The following NSUN5 variants were observed in gnomAD, a reference collection of about 807,000 sequenced individuals.
NSUN5 encodes 28S rRNA (cytosine-C(5))-methyltransferase.
A neutral mutation model predicts 51.1 loss-of-function variants in NSUN5; 39 were observed. The observed-to-expected ratio is 0.76, with a 90% CI of 0.59 to 1.00. NSUN5 has a LOEUF of 1.00. NSUN5 is among the 50% of genes least tolerant of loss of function. The pLI, the probability that NSUN5 is intolerant of heterozygous loss-of-function variation, is 0.00. For synonymous variants in NSUN5, 266 were observed against 271.5 expected (o/e 0.98, Z 0.20); for missense variants, 526 against 614.0 (o/e 0.86, Z 1.51).
intron 4 of NSUN5, among the ~76,000 whole-genome samples, chr7:73,306,837 A>G (rs1804059615): frequency 6.6e-6 from 1 of 151,434 alleles, no homozygotes; most frequent in Admixed American, 6.6e-5. Context: ...ATGCCACTGC[A>G]CTCCAGCTTG....
At position 73,303,863 on chromosome 7, in the gene NSUN5, C is replaced by G; in HGVS notation, c.1108G>C (p.Val370Leu). ...GGGTTCTGCTGCAGCGCATCTCGCA[C>G]CACGTCTTCATTCTCCTCCTGGCAG... Reference protein sequence around the residue: ...SLCQEENEDVVRDALQQNPGA... With the variant: ...SLCQEENEDVLRDALQQNPGA... Residue 370 changes from valine (V) to leucine (L), a missense_variant, in exon 8 of 10, where the codon GTG (valine) becomes CTG (leucine). Val to Leu is a conservative substitution (Grantham distance 32). Transcript: ENST00000438747. The G allele has an allele frequency of 6.2e-7, 1 of 1,613,842 alleles. No individual in the cohort carries two copies. Among genetic ancestry groups the G allele is most frequent in the Non-Finnish European group, 8.5e-7 (1 of 1,179,884 alleles).
Position 73,306,105 on chromosome 7 carries a change from C to A in NSUN5, c.501-1008G>T, listed in dbSNP as rs1312389295. On this transcript the variant is annotated intron_variant, in intron 4 of 9. Transcript: ENST00000438747. ...GAGCCAAGAAAGGGCTTAGCATGGC[C>A]GGGCACGGTGACTCACACCTGTAAT... Among the ~76,000 whole-genome samples the A allele has an allele frequency of 5.3e-5, 8 of 152,072 alleles. No individual in the cohort carries two copies. The South Asian group carries it at 1.7e-3, about 32-fold the overall frequency.
At chr7:73,306,136 C>A (rs1388665878) in intron 4 of NSUN5, among the ~76,000 whole-genome samples, 3 of 152,120 alleles carry the variant, frequency 2.0e-5, no homozygotes, top group Admixed American at 6.6e-5. Flanking sequence ...GTAATCCCAG[C>A]ACTTTGGGAG....
chr7:73,306,386 A>C (rs1278891167), intron 4 of NSUN5, among the ~76,000 whole-genome samples: 4 of 27,724 alleles, frequency 1.4e-4, no homozygotes, highest in East Asian at 3.1e-3. Context: ...CCCTTGTCTC[A>C]AAAAAAAAAA....
intron 2 of NSUN5, chr7:73,308,016 C>T: frequency 2.0e-6 from 1 of 503,972 alleles, no homozygotes; most frequent in Non-Finnish European, 3.5e-6. Context: ...AACTTCTTGC[C>T]AACATTACCC....
At position 73,303,156 on chromosome 7, in the gene NSUN5, T is replaced by C. The variant is rs1264212766; in HGVS notation, c.*259A>G. 2.8e-6 allele frequency: 4 copies of C among 1,446,928 alleles called. No homozygotes were observed. The African/African-American group carries it at 4.3e-5, about 16-fold the overall frequency. The allele number at this position is 1,446,928 out of a possible 1,614,324, so 89.6% of individuals were successfully genotyped here. The stretch of plus-strand genomic sequence containing the variant: ...GAGACTTCATTCCTGTTGAGTCTAG[T>C]TGGAACTTTTAGTATGAATGTGAGA... On this transcript the variant is annotated 3_prime_UTR_variant, in exon 10 of 10. Coordinates refer to ENST00000438747, the MANE Select transcript of NSUN5 (RefSeq NM_148956.4).
At position 73,304,150 on chromosome 7, in the gene NSUN5, G is replaced by A. The variant is rs1211481920; in HGVS notation, c.934+80C>T. 6.8e-5 allele frequency: 106 copies of A among 1,556,178 alleles called. No homozygotes were observed. The Middle Eastern group carries it at 8.6e-4, about 13-fold the overall frequency. ...GGTCCCAAGCCCATTAGTGTCAGAA[G>A]TAAGACCAAAACAAATGACTCCAGG... On this transcript the variant is annotated intron_variant, in intron 7 of 9. Transcript: ENST00000438747.
chr7:73,303,091 C>G lies in NSUN5; in HGVS notation c.*324G>C. The G allele has an allele frequency of 3.5e-6, 5 of 1,411,298 alleles. No individual in the cohort carries two copies. The highest frequency in any genetic ancestry group is 1.5e-5 in the South Asian group (1 of 65,570). 87.4% of individuals were successfully genotyped at this position (1,411,298 alleles called of 1,614,324 possible). A position where few individuals can be genotyped will look rare whatever the true frequency, so the allele number is the denominator to read the frequency against. ...AGTGTGGATGTGTACAGTACACGCA[C>G]TGGACGGCAGCGGGAGGCTGGGACT... On this transcript the variant is annotated 3_prime_UTR_variant, in exon 10 of 10. Transcript: ENST00000438747.
chr7:73,308,643 C>A, intron 1 of NSUN5, 55 bp downstream of exon 1: 1 of 1,588,414 alleles, frequency 6.3e-7, no homozygotes, highest in African/African-American at 1.3e-5. Flanking sequence ...GCCCGTCCGA[C>A]CCCACCCCGG....
chr7:73,305,603 A>G (rs1238367731), intron 4 of NSUN5, among the ~76,000 whole-genome samples: 1 of 151,676 alleles, frequency 6.6e-6, no homozygotes, highest in Non-Finnish European at 1.5e-5. Context: ...TAGCAGAAAA[A>G]GTTTACTTTA....
At chr7:73,304,186 T>C in intron 7 of NSUN5, 44 bp downstream of exon 7, 1 of 1,576,252 alleles carries the variant, frequency 6.3e-7, no homozygotes, top group Non-Finnish European at 8.6e-7. Context: ...TCTAAGCTGC[T>C]GTGGATCTGC....
chr7:73,307,881 G>A, intron 2 of NSUN5, 124 bp from the exon 3 acceptor site: 1 of 868,002 alleles, frequency 1.2e-6, no homozygotes, highest in East Asian at 2.7e-5. Flanking sequence ...ACAAGATACA[G>A]GTGGGATACC....
chr7:73,305,832 C>T (rs1804017771), intron 4 of NSUN5, among the ~76,000 whole-genome samples: 3 of 152,156 alleles, frequency 2.0e-5, no homozygotes, highest in Admixed American at 1.3e-4. Flanking sequence ...CGCAAGCAGC[C>T]GTTCTCTGCT....
chr7:73,304,823 C>A lies in NSUN5; in HGVS notation c.679G>T (p.Gly227Cys). The change falls in exon 6 of 10, where the codon GGC (glycine) becomes TGC (cysteine). Residue 227 changes from glycine to cysteine, a missense_variant. Coordinates refer to ENST00000438747, the MANE Select transcript of NSUN5 (RefSeq NM_148956.4). Reference sequence around the variant, plus strand: ...GCACAGGCATCGATGACATGGGAGCCTGGCGGGGGGTCCAGCAGCATGGCT... The same window carrying A: ...GCACAGGCATCGATGACATGGGAGCATGGCGGGGGGTCCAGCAGCATGGCT... Reference protein sequence around the residue: ...LPAMLLDPPPGSHVIDACAAP... With the variant: ...LPAMLLDPPPCSHVIDACAAP... 1 of 1,613,952 alleles carries A rather than the reference C, an allele frequency of 6.2e-7. No homozygotes were observed. Among genetic ancestry groups the A allele is most frequent in the African/African-American group, 1.3e-5 (1 of 75,048 alleles).
chr7:73,304,232 G>A lies in NSUN5; in HGVS notation c.932C>T (p.Ser311Leu), dbSNP rs781877979. The change falls in exon 7 of 10, where the codon TCG becomes TTG. Residue 311 changes from serine to leucine, a missense_variant and splice_region_variant. Ser to Leu is a moderately radical substitution (Grantham distance 145, BLOSUM62 -2). Coordinates refer to ENST00000438747, the MANE Select transcript of NSUN5 (RefSeq NM_148956.4). Reference sequence around the variant, plus strand: ...GCCACGCTTTCTCGCCATCTCACCCGAGCCACTGCAGGAAGGATCCAGCAG... The same window carrying A: ...GCCACGCTTTCTCGCCATCTCACCCAAGCCACTGCAGGAAGGATCCAGCAG... ...YILLDPSCSG[S>L]GMPSRQLEEP... The A allele has an allele frequency of 1.6e-5, 25 of 1,607,344 alleles. No individual in the cohort carries two copies. The highest frequency in any genetic ancestry group is 3.3e-5 in the South Asian group (3 of 90,496).
chr7:73,307,770 G>C lies in NSUN5; in HGVS notation c.217-13C>G. On this transcript the variant is annotated splice_polypyrimidine_tract_variant and intron_variant, in intron 2 of 9. Transcript: ENST00000438747. ...CATACACTAGCACCTGGGAATGAGG[G>C]AACAAAGACAAAAACAAAAATGCCC... is the stretch of plus-strand genomic sequence containing the variant. 6.5e-7 allele frequency: 1 copy of C among 1,531,818 alleles called. No individual in the cohort carries two copies. Among genetic ancestry groups the C allele is most frequent in the Non-Finnish European group, 8.8e-7 (1 of 1,135,630 alleles). 94.9% of individuals were successfully genotyped at this position (1,531,818 alleles called of 1,614,324 possible).
At position 73,303,458 on chromosome 7, in the gene NSUN5, T is replaced by C. The variant is rs782639718; in HGVS notation, c.1358A>G (p.Gln453Arg). The change falls in exon 10 of 10, where the codon CAG (glutamine) becomes CGG (arginine). Residue 453 changes from glutamine (Q) to arginine (R), a missense_variant. Physicochemically the swap from Gln to Arg is conservative, Grantham distance 43. Transcript: ENST00000438747. ...PSPAPKRKKRQQRAAAGACTP... is the reference protein window; with the variant it reads ...PSPAPKRKKRRQRAAAGACTP... The stretch of plus-strand genomic sequence containing the variant: ...GCAAGCACCGGCTGCGGCTCTTTGC[T>C]GTCTCTTCTTTCTCTTTGGGGCTGG... 121 of 1,614,066 alleles carry C rather than the reference T, an allele frequency of 7.5e-5. No individual in the cohort carries two copies. In the Admixed American group the frequency reaches 2.0e-3, roughly 26 times the overall value.
chr7:73,307,553 T>TGC, intron 3 of NSUN5, 30 bp downstream of exon 3: 2 of 732,094 alleles, frequency 2.7e-6, no homozygotes, highest in Admixed American at 2.2e-5. Context: ...GTTCCCCGCC[T>TGC]CCCCCACCCC....
chr7:73,306,826 C>A (rs2115663577), intron 4 of NSUN5, among the ~76,000 whole-genome samples: 1 of 151,332 alleles, frequency 6.6e-6, no homozygotes, highest in East Asian at 2.2e-4. Flanking sequence ...GAGCCAAGAT[C>A]ATGCCACTGC....
Sources: gnomAD v4.1 joint callset for allele counts (sites outside exome capture counted in the v4.1 genomes callset) on GRCh38, gnomAD v4.1.1 for gene constraint, MANE v1.5 for transcripts, NCBI Gene and HGNC (gene_info 2026-07-23, HGNC 2026-07-21) for gene names.